The following DMD variants were observed in gnomAD, a reference collection of about 807,000 sequenced individuals.
DMD encodes the protein mutant dystrophin.
In DMD, 63 loss-of-function variants were observed where a neutral mutation model predicts 330.1. The observed-to-expected ratio is 0.19, with a 90% CI of 0.16 to 0.24. The LOEUF is 0.24. Ranked by LOEUF, DMD falls within the 10% of genes least tolerant of loss-of-function variation. The pLI is 1.00. For synonymous variants in DMD, 1,223 were observed against 959.8 expected (o/e 1.27, Z -5.07); for missense variants, 3,344 against 2,684.1 (o/e 1.25, Z -5.43).
rs1249840175 is a variant in DMD, at chrX:32,990,016, T to C, written c.93+30123A>G. On this transcript the variant is annotated intron_variant, in intron 2 of 78. Transcript: ENST00000357033. ...CCTGTCATTGATTAATATATGTTTG[T>C]TTTTGTATTAATTGTGCAACTGCAA... Among the ~76,000 whole-genome samples, 13 of 111,977 alleles carry C rather than the reference T, an allele frequency of 1.2e-4. No homozygotes were observed. The East Asian group carries it at 3.4e-3, about 29-fold the overall frequency.
chrX:32,585,699 CAAAAAAAAAAAAAAAAA>C (rs61394183), intron 13 of DMD, among the ~76,000 whole-genome samples: 1 of 31,919 alleles, frequency 3.1e-5, no homozygotes, highest in African/African-American at 1.0e-4. Flanking sequence ...GACTCCGTCT[CAAAAAAAAAAAAAAAAA>C]AAAAAAAAAA....
chrX:32,579,610 A>C (rs1203516440), intron 13 of DMD, among the ~76,000 whole-genome samples: 1 of 112,808 alleles, frequency 8.9e-6, no homozygotes, highest in Non-Finnish European at 1.9e-5. Flanking sequence ...TTGTTTTAGC[A>C]GAAGTTTGAC....
At chrX:32,509,309 T>C (rs1425954213) in intron 18 of DMD, among the ~76,000 whole-genome samples, 1 of 110,460 alleles carries the variant, frequency 9.1e-6, no homozygotes, top group African/African-American at 3.3e-5. Context: ...TGTTTTCAGG[T>C]AGGTTGGATC....
chrX:33,067,809 C>G (rs776221774), intron 1 of DMD, among the ~76,000 whole-genome samples: 2 of 111,735 alleles, frequency 1.8e-5, no homozygotes, highest in Non-Finnish European at 3.8e-5. Context: ...CACACCACTG[C>G]ACTCCAGCCT....
chrX:32,238,475 A>AGAGAGAG (rs1569552520), intron 43 of DMD, among the ~76,000 whole-genome samples: 4 of 100,192 alleles, frequency 4.0e-5, no homozygotes, highest in African/African-American at 1.5e-4. Flanking sequence ...GAGAGAGAGA[A>AGAGAGAG]AGAGAGACAC....
chrX:31,253,984 T>G (rs1002436179), intron 63 of DMD, among the ~76,000 whole-genome samples: 3 of 111,811 alleles, frequency 2.7e-5, no homozygotes, highest in Non-Finnish European at 5.6e-5. Flanking sequence ...GGCAACAGAT[T>G]AAAAAGGGCT....
At chrX:32,940,408 C>T (rs2090325083) in intron 2 of DMD, among the ~76,000 whole-genome samples, 1 of 111,325 alleles carries the variant, frequency 9.0e-6, no homozygotes, top group Non-Finnish European at 1.9e-5. Context: ...ATTTTTATAA[C>T]ATTTAAATAA....
intron 21 of DMD, among the ~76,000 whole-genome samples, chrX:32,472,757 A>C (rs2040797586): frequency 1.8e-5 from 2 of 111,182 alleles, no homozygotes; most frequent in South Asian, 7.5e-4. Flanking sequence ...GAAGACCTTG[A>C]TTTTTAAATT....
chrX:32,752,310 G>A (rs1313246140), intron 7 of DMD, among the ~76,000 whole-genome samples: 1 of 111,192 alleles, frequency 9.0e-6, no homozygotes, highest in African/African-American at 3.3e-5. Context: ...CCCCTCTCTT[G>A]CATCAGCATG....
At chrX:32,065,617 T>C in intron 44 of DMD, among the ~76,000 whole-genome samples, 1 of 111,899 alleles carries the variant, frequency 8.9e-6, no homozygotes, top group Non-Finnish European at 1.9e-5. Context: ...CAAAATACAT[T>C]GGATGTTTGT....
intron 1 of DMD, among the ~76,000 whole-genome samples, chrX:33,225,504 A>G (rs1332594890): frequency 8.9e-6 from 1 of 111,797 alleles, no homozygotes; most frequent in African/African-American, 3.2e-5. Flanking sequence ...GTGGACAAAA[A>G]TAATGGAAAG....
chrX:32,565,997 C>T lies in DMD; in HGVS notation c.1813-116G>A, dbSNP rs1236711431. 4.6e-6 allele frequency: 3 copies of T among 648,331 alleles called. No homozygotes were observed. The African/African-American group carries it at 6.6e-5, about 14-fold the overall frequency. The allele number at this position is 648,331 out of a possible 1,213,427, so 53.4% of individuals were successfully genotyped here. On this transcript the variant is annotated intron_variant, in intron 15 of 78. Transcript: ENST00000357033. ...TGCATAGATAAGAAAATATTTCAAT[C>T]GTGCCCGCAAAGGATCAAAAGTTCA...
intron 33 of DMD, 88 bp from the exon 34 acceptor site, chrX:32,380,768 G>T (rs1432779201): frequency 1.4e-6 from 1 of 738,249 alleles, no homozygotes; most frequent in Non-Finnish European, 2.0e-6. Flanking sequence ...TTATATTTCT[G>T]TTATTTAAAA....
chrX:32,981,086 C>T (rs903221548), intron 2 of DMD, among the ~76,000 whole-genome samples: 4 of 111,449 alleles, frequency 3.6e-5, no homozygotes, highest in Non-Finnish European at 3.8e-5. Flanking sequence ...ACAGGGAAAA[C>T]GGGCAATATT....
intron 7 of DMD, among the ~76,000 whole-genome samples, chrX:32,751,552 A>T (rs1435218960): frequency 2.7e-5 from 3 of 111,982 alleles, no homozygotes; most frequent in African/African-American, 9.8e-5. Flanking sequence ...AACAGAGCAT[A>T]AAAGTTTGGA....
intron 7 of DMD, among the ~76,000 whole-genome samples, chrX:32,738,663 G>A (rs2068835313): frequency 2.7e-5 from 3 of 111,858 alleles, no homozygotes; most frequent in Non-Finnish European, 5.6e-5. Flanking sequence ...CTAGGAGACT[G>A]AAAACTTCTT....
chrX:32,125,521 G>A lies in DMD; in HGVS notation c.6438+91395C>T, dbSNP rs147972962. On this transcript the variant is annotated intron_variant, in intron 44 of 78. Coordinates refer to ENST00000357033, the MANE Select transcript of DMD (RefSeq NM_004006.3). ...GTGGAGATGTCAATTAGGCAGGGGG[G>A]TATGTATATAAGACTAGCATTCAAA... Among the ~76,000 whole-genome samples, 423 of 111,656 alleles carry A rather than the reference G, an allele frequency of 3.8e-3. 1 individual carries two copies. Among genetic ancestry groups the A allele is most frequent in the African/African-American group, 0.013 (408 of 30,731 alleles).
At chrX:32,002,228 G>A (rs1381108394) in intron 44 of DMD, among the ~76,000 whole-genome samples, 1 of 111,734 alleles carries the variant, frequency 8.9e-6, no homozygotes, top group African/African-American at 3.2e-5. Context: ...TTATTACAAA[G>A]AGCACAAAGG....
At chrX:32,599,734 C>T (rs184175982) in intron 12 of DMD, among the ~76,000 whole-genome samples, 18 of 111,603 alleles carry the variant, frequency 1.6e-4, no homozygotes, top group African/African-American at 5.5e-4. Context: ...TACACATACA[C>T]ATATATACAC....
Sources: allele counts gnomAD v4.1 joint callset (sites outside exome capture counted in the v4.1 genomes callset), GRCh38; gene constraint gnomAD v4.1.1; transcripts MANE v1.5; gene names NCBI Gene and HGNC (gene_info 2026-07-23, HGNC 2026-07-21).